Variants in PCID2 observed in about 807,000 individuals in gnomAD.
PCID2 encodes PCI domain containing 2.
PCID2 carries 41 observed loss-of-function variants against 61.3 expected under a neutral mutation model. The observed-to-expected ratio is 0.67, with a 90% confidence interval of 0.52 to 0.87. The LOEUF (loss-of-function observed/expected upper bound fraction) is 0.87. Among genes scored for constraint, PCID2 ranks in the 40% least tolerant of loss-of-function variants. The pLI is 0.00. For missense variants in PCID2, 392 were observed against 493.4 expected, an observed-to-expected ratio of 0.79 and a Z score of 1.95; for synonymous variants, 187 against 177.8, an observed-to-expected ratio of 1.05 and a Z score of -0.41.
intron 1 of PCID2, 40 bp from the exon 2 acceptor site, chr13:113,200,556 T>C: frequency 7.4e-7 from 1 of 1,350,486 alleles, no homozygotes. Flanking sequence ...GAAAATAAAA[T>C]ATTCTGTTCG....
chr13:113,191,585 A>AC (rs1333895547), intron 6 of PCID2, among the ~76,000 whole-genome samples: 1 of 152,218 alleles, frequency 6.6e-6, no homozygotes, highest in Non-Finnish European at 1.5e-5. Context: ...TGGCTAGTCA[A>AC]AACACTTGAA....
At chr13:113,173,516 CTT>C (rs775679574), downstream of PCID2, among the ~76,000 whole-genome samples, 102 of 152,338 alleles carry the variant, frequency 6.7e-4, no homozygotes, top group South Asian at 4.1e-4. Flanking sequence ...CAAATATTCT[CTT>C]GAGTTGAGAA....
At chr13:113,166,628 A>G in the PCID2 span, among the ~76,000 whole-genome samples, 8 of 152,350 alleles carry the variant, frequency 5.3e-5, no homozygotes, top group African/African-American at 1.7e-4. Flanking sequence ...GGAGTGATGG[A>G]AGGCGGGGAT....
intron 10 of PCID2, among the ~76,000 whole-genome samples, chr13:113,180,495 G>A (rs1039574604): frequency 6.6e-6 from 1 of 152,164 alleles, no homozygotes; most frequent in African/African-American, 2.4e-5. Context: ...TATAACAGGA[G>A]AGTGATAACT....
chr13:113,204,641 C>G (rs1454784171), intron 1 of PCID2, among the ~76,000 whole-genome samples: 1 of 152,172 alleles, frequency 6.6e-6, no homozygotes, highest in African/African-American at 2.4e-5. Context: ...GGCCTTGAGC[C>G]CAAGGAGGGC....
chr13:113,178,874 T>C lies in PCID2; in HGVS notation c.1110+92A>G, dbSNP rs111904990. 37 of 1,337,752 alleles carry C rather than the reference T, an allele frequency of 2.8e-5. 1 individual carries two copies. The African/African-American group carries it at 3.1e-4, about 11-fold the overall frequency. 82.9% of individuals were successfully genotyped at this position (1,337,752 alleles called of 1,614,324 possible). On this transcript the variant is annotated intron_variant, in intron 13 of 13. Transcript: ENST00000337344. ...ATCAAAAAAAAAGCAGAAGGCCTTT[T>C]AACAATTTTAACACCACCACACTGA...
downstream of PCID2, among the ~76,000 whole-genome samples, chr13:113,175,205 G>C (rs546399889): frequency 6.6e-6 from 1 of 152,222 alleles, no homozygotes; most frequent in African/African-American, 2.4e-5. Flanking sequence ...TTATAGCAGC[G>C]TGAGAACGAA....
At chr13:113,184,099 G>T in intron 9 of PCID2, 1 of 815,978 alleles carries the variant, frequency 1.2e-6, no homozygotes, top group South Asian at 5.5e-5. Context: ...GTCATGCTCA[G>T]TGAACTCAGA....
At chr13:113,204,642 CAAG>C (rs1313530777) in intron 1 of PCID2, among the ~76,000 whole-genome samples, 4 of 152,292 alleles carry the variant, frequency 2.6e-5, no homozygotes, top group African/African-American at 4.8e-5. Context: ...GCCTTGAGCC[CAAG>C]GAGGGCCCCA....
chr13:113,208,181 T>A, intron 1 of PCID2: 1 of 1,576,262 alleles, frequency 6.3e-7, no homozygotes, highest in Non-Finnish European at 8.6e-7. Context: ...CATCGCCTCC[T>A]GGAGTCCCCG....
In PCID2 at chr13:113,178,723, G is replaced by A. The variant is rs1037497027; in HGVS notation, c.1110+243C>T. On this transcript the variant is annotated intron_variant, in intron 13 of 13. Coordinates refer to ENST00000337344, the MANE Select transcript of PCID2 (RefSeq NM_001127202.4). Reference sequence around the variant, plus strand: ...CTGTGGATTTTGGTATCCGAGGGGGGTTGGAGAATCGACAGATACCGAGGG... The same window carrying A: ...CTGTGGATTTTGGTATCCGAGGGGGATTGGAGAATCGACAGATACCGAGGG... Among the ~76,000 whole-genome samples the A allele has an allele frequency of 2.6e-5, 4 of 152,188 alleles. No homozygotes were observed. The South Asian group carries it at 6.2e-4, about 24-fold the overall frequency.
At chr13:113,207,933 G>A (rs1422837846) in intron 1 of PCID2, 3 of 1,093,608 alleles carry the variant, frequency 2.7e-6, no homozygotes, top group East Asian at 2.4e-5. Flanking sequence ...TTACCACAGT[G>A]CTGGTTCTGA....
chr13:113,198,531 G>A (rs147803203), intron 2 of PCID2, among the ~76,000 whole-genome samples: 73 of 152,136 alleles, frequency 4.8e-4, no homozygotes, highest in Middle Eastern at 3.4e-3. Flanking sequence ...GTGAAAGCCC[G>A]TCTCTACAAA....
chr13:113,194,437 C>G (rs1285684106), intron 6 of PCID2, among the ~76,000 whole-genome samples: 1 of 152,174 alleles, frequency 6.6e-6, no homozygotes, highest in Non-Finnish European at 1.5e-5. Context: ...TCCCCCTCTT[C>G]TCTCCACCTC....
chr13:113,167,956 TCA>T, the PCID2 span, among the ~76,000 whole-genome samples: 1 of 152,194 alleles, frequency 6.6e-6, no homozygotes, highest in East Asian at 1.9e-4. Context: ...GGCGGTTGCT[TCA>T]CAGTTTGGAG....
chr13:113,174,464 AACTC>A (rs764158780), downstream of PCID2, among the ~76,000 whole-genome samples: 7 of 152,168 alleles, frequency 4.6e-5, no homozygotes, highest in Non-Finnish European at 1.0e-4. Flanking sequence ...AAAACAGTAA[AACTC>A]AAGAAAAGGG....
intron 4 of PCID2, 45 bp from the exon 5 acceptor site, chr13:113,196,267 T>A (rs777314288): frequency 7.2e-7 from 1 of 1,383,888 alleles, no homozygotes; most frequent in Non-Finnish European, 1.0e-6. Context: ...CAAATAATGC[T>A]ACGTACGATA....
Position 113,201,626 on chromosome 13 carries a change from G to A in PCID2, c.37-1110C>T, listed in dbSNP as rs1012527208. Among the ~76,000 whole-genome samples, 5 of 151,874 alleles carry A rather than the reference G, an allele frequency of 3.3e-5. No homozygotes were observed. In the East Asian group the frequency reaches 5.8e-4, roughly 18 times the overall value. Reference sequence around the variant, plus strand: ...GAAGATCGAGACCCTCCTGGCTAACGCAATGAAACCCCATCTGTACTAAAA... The same window carrying A: ...GAAGATCGAGACCCTCCTGGCTAACACAATGAAACCCCATCTGTACTAAAA... On this transcript the variant is annotated intron_variant, in intron 1 of 13. Coordinates refer to ENST00000337344, the MANE Select transcript of PCID2 (RefSeq NM_001127202.4).
chr13:113,206,716 G>A lies in PCID2; in HGVS notation c.36+1883C>T, dbSNP rs570739098. On this transcript the variant is annotated intron_variant, in intron 1 of 13. Coordinates refer to ENST00000337344, the MANE Select transcript of PCID2 (RefSeq NM_001127202.4). ...TTAATACATAAAACTTAGGTAACAT[G>A]CCAGTTCAACCAGAAATATTTTTAT... 4.6e-5 allele frequency among the ~76,000 whole-genome samples: 7 copies of A among 152,324 alleles called. No homozygotes were observed. The East Asian group carries it at 1.4e-3, about 29-fold the overall frequency.
Sources: allele counts gnomAD v4.1 joint callset (sites outside exome capture counted in the v4.1 genomes callset), GRCh38; gene constraint gnomAD v4.1.1; transcripts MANE v1.5; gene names NCBI Gene and HGNC (gene_info 2026-07-23, HGNC 2026-07-21).